Variants in STAG2 observed in about 807,000 individuals in gnomAD.
STAG2 encodes STAG2 cohesin complex component, also known as cohesin subunit SA-2.
A neutral mutation model predicts 108.1 loss-of-function variants in STAG2; 14 were observed. That is an observed-to-expected ratio of 0.13 (90% CI 0.09 to 0.20). The LOEUF is 0.20. Ranked by LOEUF, STAG2 falls within the 10% of genes least tolerant of loss-of-function variation. The pLI is 1.00. For missense variants in STAG2, 440 were observed against 940.9 expected (o/e 0.47, Z 6.96); for synonymous variants, 307 against 302.7 (o/e 1.01, Z -0.15).
intron 1 of STAG2, among the ~76,000 whole-genome samples, chrX:124,009,998 C>T (rs766007552): frequency 9.0e-6 from 1 of 111,244 alleles, no homozygotes; most frequent in Non-Finnish European, 1.9e-5. Flanking sequence ...CTCAATAGAT[C>T]AGTAGTTATA....
chrX:124,010,932 A>C (rs1186863959), intron 1 of STAG2, among the ~76,000 whole-genome samples: 1 of 111,281 alleles, frequency 9.0e-6, no homozygotes, highest in African/African-American at 3.3e-5. Flanking sequence ...TTTTGCAAAA[A>C]GTGCTATTGG....
intron 32 of STAG2, among the ~76,000 whole-genome samples, chrX:124,091,371 AC>A (rs1249033831): frequency 9.1e-6 from 1 of 109,766 alleles, no homozygotes; most frequent in Admixed American, 9.8e-5. Context: ...CTCTCCCTTC[AC>A]CCCCCGCTCC....
chrX:124,036,371 G>A (rs2057516656), intron 5 of STAG2, among the ~76,000 whole-genome samples: 1 of 111,451 alleles, frequency 9.0e-6, no homozygotes, highest in Admixed American at 9.6e-5. Context: ...AAAAAGTTTT[G>A]TTGTTGTTGT....
intron 1 of STAG2, among the ~76,000 whole-genome samples, chrX:123,967,003 A>G (rs1051546944): frequency 1.3e-4 from 14 of 106,654 alleles, no homozygotes; most frequent in Admixed American, 4.1e-4. Flanking sequence ...TCCTGCCTCA[A>G]CCTCCCAGTA....
In STAG2 at chrX:124,028,822, A is replaced by T. The variant is rs12398531; in HGVS notation, c.124-2139A>T. Among the ~76,000 whole-genome samples the T allele has an allele frequency of 8.9e-3, 346 of 38,939 alleles. 6 individuals carry two copies. The highest frequency in any genetic ancestry group is 0.037 in the African/African-American group (333 of 8,963). 33.8% of individuals were successfully genotyped at this position (38,939 alleles called of 115,157 possible). ...TATATATATATATATATATATATAT[A>T]TTTTTTTTTTTATAGAGATGGGGTC... On this transcript the variant is annotated intron_variant, in intron 4 of 34. Coordinates refer to ENST00000371145, the MANE Select transcript of STAG2 (RefSeq NM_001042750.2).
intron 32 of STAG2, among the ~76,000 whole-genome samples, chrX:124,091,719 G>A (rs770217270): frequency 1.3e-4 from 15 of 112,271 alleles, no homozygotes; most frequent in Non-Finnish European, 2.3e-4. Context: ...AGTTTGTCCC[G>A]TTTGTCTAGA....
At chrX:124,016,445 TTTG>T (rs753236174) in intron 1 of STAG2, among the ~76,000 whole-genome samples, 1 of 112,339 alleles carries the variant, frequency 8.9e-6, no homozygotes, top group South Asian at 3.6e-4. Flanking sequence ...TTGCTTCTTT[TTTG>T]TTGTTATTAT....
chrX:124,013,371 C>A (rs1375719941), intron 1 of STAG2, among the ~76,000 whole-genome samples: 2 of 110,555 alleles, frequency 1.8e-5, no homozygotes, highest in African/African-American at 6.6e-5. Flanking sequence ...AGAAAGCTAA[C>A]TGTAGAATGT....
At chrX:124,038,332 G>C (rs1440708286) in intron 6 of STAG2, among the ~76,000 whole-genome samples, 2 of 109,957 alleles carry the variant, frequency 1.8e-5, no homozygotes, top group Non-Finnish European at 3.8e-5. Flanking sequence ...GATGTATCTG[G>C]TGTCTCCCAA....
chrX:123,970,183 T>C (rs2054295567), intron 1 of STAG2, among the ~76,000 whole-genome samples: 1 of 109,799 alleles, frequency 9.1e-6, no homozygotes, highest in Non-Finnish European at 1.9e-5. Flanking sequence ...AACAGCAGTC[T>C]TATACTCAGA....
chrX:124,100,671 C>G lies in STAG2; in HGVS notation c.*74C>G. ...AGGAAATTTTAAAGTGTGGTAGATA[C>G]AGTGAAATTCTGTACAGATTTTTCT... On this transcript the variant is annotated 3_prime_UTR_variant, in exon 35 of 35. Coordinates refer to ENST00000371145, the MANE Select transcript of STAG2 (RefSeq NM_001042750.2). 1 of 874,467 alleles carries G rather than the reference C, an allele frequency of 1.1e-6. No homozygotes were observed. The highest frequency in any genetic ancestry group is 1.7e-6 in the Non-Finnish European group (1 of 603,067). The allele number at this position is 874,467 out of a possible 1,213,427, so 72.1% of individuals were successfully genotyped here.
intron 1 of STAG2, among the ~76,000 whole-genome samples, chrX:124,009,439 G>GATAGA (rs1569501995): frequency 0.024 from 1,485 of 62,356 alleles, 26 homozygotes; most frequent in Non-Finnish European, 0.028. Context: ...AGGTAGGTAG[G>GATAGA]TAGGTAGATA....
At chrX:124,023,961 G>A (rs1484091879) in intron 3 of STAG2, among the ~76,000 whole-genome samples, 1 of 111,709 alleles carries the variant, frequency 9.0e-6, no homozygotes, top group Non-Finnish European at 1.9e-5. Context: ...TCACTGAATG[G>A]TTAATACAGT....
intron 24 of STAG2, among the ~76,000 whole-genome samples, chrX:124,070,929 A>G (rs1444081229): frequency 1.8e-5 from 2 of 111,868 alleles, no homozygotes; most frequent in African/African-American, 6.5e-5. Context: ...ATTACTTTGC[A>G]GTTAGTAAAG....
At position 124,056,202 on chromosome X, in the gene STAG2, T is replaced by C. The variant is rs759178084; in HGVS notation, c.1271T>C (p.Val424Ala). 8.3e-7 allele frequency: 1 copy of C among 1,205,274 alleles called. No individual in the cohort carries two copies. Among genetic ancestry groups the C allele is most frequent in the African/African-American group, 1.8e-5 (1 of 57,055 alleles). Residue 424 changes from valine to alanine, a missense_variant, in exon 14 of 35, where the codon GTA (valine) becomes GCA (alanine). Val to Ala is a moderately conservative substitution (Grantham distance 64, BLOSUM62 0). Transcript: ENST00000371145. Reference sequence around the variant, plus strand: ...CTGGTTTATTCAGCTCACCGGCCAGTAGCAGTAGCAGCTGGAGAATTTCTC... The same window carrying C: ...CTGGTTTATTCAGCTCACCGGCCAGCAGCAGTAGCAGCTGGAGAATTTCTC... ...YHLVYSAHRP[V>A]AVAAGEFLYK...
chrX:124,100,875 C>CT lies in STAG2; in HGVS notation c.*286dup, dbSNP rs1276236344. The CT allele has an allele frequency of 4.3e-4, 82 of 188,816 alleles. No homozygotes were observed. Among genetic ancestry groups the CT allele is most frequent in the African/African-American group, 8.6e-4 (26 of 30,270 alleles). 15.6% of individuals were successfully genotyped at this position (188,816 alleles called of 1,213,427 possible). A position where few individuals can be genotyped will look rare whatever the true frequency, so the allele number is the denominator to read the frequency against. Reference sequence around the variant, plus strand: ...TGGCTTTTGAATCGATTATTTCATGCTTTTTTTTAAAAAAAAAAAAAAACA... The same window carrying CT: ...TGGCTTTTGAATCGATTATTTCATGCTTTTTTTTTAAAAAAAAAAAAAAACA... On this transcript the variant is annotated 3_prime_UTR_variant, in exon 35 of 35. Transcript: ENST00000371145.
At chrX:124,045,480 G>A in intron 8 of STAG2, 112 bp downstream of exon 8, 1 of 668,542 alleles carries the variant, frequency 1.5e-6, no homozygotes, top group South Asian at 2.9e-5. Context: ...TTTATAAAGT[G>A]ACCACTAAGA....
intron 1 of STAG2, among the ~76,000 whole-genome samples, chrX:124,019,587 C>T (rs1231609288): frequency 9.0e-6 from 1 of 110,935 alleles, no homozygotes; most frequent in Non-Finnish European, 1.9e-5. Flanking sequence ...AGGGAATTGG[C>T]CAGTTCAATA....
At chrX:123,960,638 A>G (rs1055001668), upstream of STAG2, 4 of 104,340 alleles carry the variant, frequency 3.8e-5, no homozygotes, top group Non-Finnish European at 1.9e-5. Flanking sequence ...AAAAAAAAAA[A>G]AAAAAGAAAA....
Sources: allele counts gnomAD v4.1 joint callset (sites outside exome capture counted in the v4.1 genomes callset), GRCh38; gene constraint gnomAD v4.1.1; transcripts MANE v1.5; gene names NCBI Gene and HGNC (gene_info 2026-07-23, HGNC 2026-07-21).